The following CSTPP1 variants were observed in gnomAD, a reference collection of about 807,000 sequenced individuals.
CSTPP1 encodes the protein centriolar satellite-associated tubulin polyglutamylase complex regulator 1, also known as UPF0705 protein C11orf49.
At chr11:47,144,921 T>C in the CSTPP1 span, among the ~76,000 whole-genome samples, 3 of 151,246 alleles carry the variant, frequency 2.0e-5, no homozygotes, top group Non-Finnish European at 2.9e-5. Flanking sequence ...AATTCCCAGG[T>C]GATACTGATG....
the CSTPP1 span, among the ~76,000 whole-genome samples, chr11:47,036,819 A>C: frequency 2.4e-5 from 3 of 127,382 alleles, 1 homozygote; most frequent in Non-Finnish European, 5.6e-5. Context: ...CTGGGATTAC[A>C]GGCGAGTGCC....
At chr11:47,115,905 A>G in the CSTPP1 span, among the ~76,000 whole-genome samples, 1 of 151,818 alleles carries the variant, frequency 6.6e-6, no homozygotes, top group Admixed American at 6.6e-5. Flanking sequence ...TTTAATTGTG[A>G]TGTTAGGGTG....
At chr11:47,005,071 CAAG>C in the CSTPP1 span, among the ~76,000 whole-genome samples, 1 of 152,196 alleles carries the variant, frequency 6.6e-6, no homozygotes, top group Non-Finnish European at 1.5e-5. Context: ...TATACCCTCT[CAAG>C]AAGGTTTAAC....
chr11:46,975,995 G>T, the CSTPP1 span, among the ~76,000 whole-genome samples: 3 of 152,146 alleles, frequency 2.0e-5, no homozygotes, highest in Non-Finnish European at 4.4e-5. Flanking sequence ...GACTTTTCAG[G>T]TCAGGGGGCT....
the CSTPP1 span, among the ~76,000 whole-genome samples, chr11:47,125,492 A>T: frequency 6.6e-6 from 1 of 152,296 alleles, no homozygotes; most frequent in East Asian, 1.9e-4. Context: ...GCTTCTGTTT[A>T]TATTTATTTA....
At chr11:46,940,165 G>T in the CSTPP1 span, among the ~76,000 whole-genome samples, 1 of 152,186 alleles carries the variant, frequency 6.6e-6, no homozygotes, top group African/African-American at 2.4e-5. Flanking sequence ...GAGCCACTGC[G>T]CCTGGCCTCG....
the CSTPP1 span, among the ~76,000 whole-genome samples, chr11:47,072,329 T>C: frequency 6.6e-6 from 1 of 152,222 alleles, no homozygotes; most frequent in African/African-American, 2.4e-5. Context: ...AAGCTGTTTT[T>C]CTAGATGCAC....
At chr11:47,005,725 C>T in the CSTPP1 span, among the ~76,000 whole-genome samples, 2 of 152,168 alleles carry the variant, frequency 1.3e-5, no homozygotes, top group Non-Finnish European at 2.9e-5. Flanking sequence ...AGATCTTGGG[C>T]AGATTGCTTA....
At chr11:47,155,999 A>C in the CSTPP1 span, 1 of 152,242 alleles carries the variant, frequency 6.6e-6, no homozygotes, top group South Asian at 2.1e-4. Context: ...CAAATTGCTG[A>C]CTGTGTTCAT....
At chr11:47,039,492 A>C in the CSTPP1 span, among the ~76,000 whole-genome samples, 4 of 126,618 alleles carry the variant, frequency 3.2e-5, 2 homozygotes, top group Non-Finnish European at 3.8e-5. Context: ...GGAGAGGGAG[A>C]GGGAGAGGGA....
the CSTPP1 span, among the ~76,000 whole-genome samples, chr11:47,013,968 G>A: frequency 6.6e-6 from 1 of 152,170 alleles, no homozygotes; most frequent in Non-Finnish European, 1.5e-5. Context: ...CACTTTGGGA[G>A]GCCAAGGTGG....
At chr11:47,022,857 A>G in the CSTPP1 span, among the ~76,000 whole-genome samples, 3 of 152,344 alleles carry the variant, frequency 2.0e-5, no homozygotes, top group Admixed American at 2.0e-4. Context: ...AACACATTTA[A>G]CCTTTGGCAA....
the CSTPP1 span, chr11:47,123,332 T>G: frequency 1.3e-5 from 2 of 152,238 alleles, no homozygotes; most frequent in Admixed American, 6.5e-5. Context: ...CCAGGTCTTC[T>G]GATTTTTTTC....
chr11:47,088,422 G>C, the CSTPP1 span, among the ~76,000 whole-genome samples: 1 of 152,258 alleles, frequency 6.6e-6, no homozygotes, highest in Non-Finnish European at 1.5e-5. Flanking sequence ...GGAAAACACA[G>C]AAAAAGAAGT....
At chr11:47,052,452 C>G in the CSTPP1 span, 2 of 1,614,090 alleles carry the variant, frequency 1.2e-6, no homozygotes, top group Non-Finnish European at 1.7e-6. Context: ...CCAAGCCACC[C>G]CCCACAATAG....
chr11:47,109,389 A>G, the CSTPP1 span: 1 of 151,924 alleles, frequency 6.6e-6, no homozygotes. Context: ...GAAGAAATTG[A>G]CCTTTTGCCT....
chr11:47,091,715 A>G, the CSTPP1 span, among the ~76,000 whole-genome samples: 1 of 152,176 alleles, frequency 6.6e-6, no homozygotes, highest in Non-Finnish European at 1.5e-5. Context: ...TTTAAGAGGG[A>G]GTCAGATAGA....
the CSTPP1 span, among the ~76,000 whole-genome samples, chr11:47,156,181 G>C: frequency 6.6e-6 from 1 of 152,172 alleles, no homozygotes; most frequent in African/African-American, 2.4e-5. Context: ...CTGGAGCCTG[G>C]GGTCTCGCCA....
the CSTPP1 span, among the ~76,000 whole-genome samples, chr11:46,955,942 A>G: frequency 9.3e-5 from 14 of 150,176 alleles, no homozygotes; most frequent in African/African-American, 3.4e-4. Flanking sequence ...TGAGCCGATC[A>G]TGCCACTGCA....
Sources: allele counts gnomAD v4.1 joint callset (sites outside exome capture counted in the v4.1 genomes callset), GRCh38; gene constraint gnomAD v4.1.1; transcripts MANE v1.5; gene names NCBI Gene and HGNC (gene_info 2026-07-23, HGNC 2026-07-21).